The following DNER variants were observed in gnomAD, a reference collection of about 807,000 sequenced individuals.
The protein encoded by DNER is delta and Notch-like epidermal growth factor-related receptor.
In DNER, 33 loss-of-function variants were observed where a neutral mutation model predicts 78.2. The observed-to-expected ratio is 0.42, with a 90% CI of 0.32 to 0.56. The LOEUF is 0.56. DNER is among the 20% of genes least tolerant of loss of function. DNER has a pLI of 0.11. For missense variants in DNER, 918 were observed against 975.3 expected (o/e 0.94, Z 0.78); for synonymous variants, 417 against 384.8 (o/e 1.08, Z -0.98).
intron 8 of DNER, among the ~76,000 whole-genome samples, chr2:229,425,925 G>A (rs1574837966): frequency 6.6e-6 from 1 of 152,168 alleles, no homozygotes; most frequent in Non-Finnish European, 1.5e-5. Context: ...CAAGGCAAGA[G>A]TGAATTTACG....
At chr2:229,626,358 T>C (rs1014946828) in intron 1 of DNER, among the ~76,000 whole-genome samples, 1 of 152,236 alleles carries the variant, frequency 6.6e-6, no homozygotes, top group African/African-American at 2.4e-5. Context: ...CATCAGAAAC[T>C]AGGATGTATC....
intron 11 of DNER, among the ~76,000 whole-genome samples, chr2:229,374,312 A>G (rs1196528922): frequency 6.6e-6 from 1 of 152,186 alleles, no homozygotes; most frequent in Admixed American, 6.5e-5. Context: ...GGGCGACAGG[A>G]TCATTCATAT....
intron 1 of DNER, among the ~76,000 whole-genome samples, chr2:229,689,697 C>T (rs1426466909): frequency 6.6e-6 from 1 of 152,186 alleles, no homozygotes; most frequent in Non-Finnish European, 1.5e-5. Context: ...ACCAATGGCT[C>T]TCCCTGGCTG....
rs571669044 is a variant in DNER at position 229,615,436 on chromosome 2, G to A, written c.277-23548C>T. Reference sequence around the variant, plus strand: ...TAAAAAAAAAAAAAAAAGGCCGGGCGCGGTGGTTCACGCCTGTAATCCCAG... The same window carrying A: ...TAAAAAAAAAAAAAAAAGGCCGGGCACGGTGGTTCACGCCTGTAATCCCAG... On this transcript the variant is annotated intron_variant, in intron 1 of 12. Coordinates refer to ENST00000341772, the MANE Select transcript of DNER (RefSeq NM_139072.4). Among the ~76,000 whole-genome samples the A allele has an allele frequency of 1.7e-3, 262 of 151,474 alleles. No individual in the cohort carries two copies. In the Middle Eastern group the frequency reaches 0.027, roughly 16 times the overall value.
At chr2:229,527,980 C>T (rs545636485) in intron 5 of DNER, among the ~76,000 whole-genome samples, 18 of 152,354 alleles carry the variant, frequency 1.2e-4, no homozygotes, top group Admixed American at 8.5e-4. Context: ...TGGCCAGCTG[C>T]ACCAACACTT....
intron 5 of DNER, among the ~76,000 whole-genome samples, chr2:229,543,881 C>G (rs1001605340): frequency 6.6e-6 from 1 of 152,180 alleles, no homozygotes; most frequent in African/African-American, 2.4e-5. Context: ...CGTTACCTAA[C>G]TATGCATCTT....
Position 229,358,675 on chromosome 2 carries a change from T to A in DNER, c.2103-24A>T, listed in dbSNP as rs748216679. 5.6e-6 allele frequency: 9 copies of A among 1,596,448 alleles called. No individual in the cohort carries two copies. In the South Asian group the frequency reaches 1.0e-4, roughly 18 times the overall value. ...ACCTGAAATCAGAGAGAAAGGACTC[T>A]GGTTAGATAAATACTAGATCTCAAG... On this transcript the variant is annotated intron_variant, in intron 12 of 12. Coordinates refer to ENST00000341772, the MANE Select transcript of DNER (RefSeq NM_139072.4).
chr2:229,444,060 C>G (rs1389237157), intron 8 of DNER, among the ~76,000 whole-genome samples: 1 of 152,196 alleles, frequency 6.6e-6, no homozygotes, highest in Non-Finnish European at 1.5e-5. Flanking sequence ...ATTCCACGAA[C>G]AGAATGCACA....
intron 1 of DNER, among the ~76,000 whole-genome samples, chr2:229,683,421 A>C (rs1318381506): frequency 2.0e-5 from 3 of 152,186 alleles, no homozygotes; most frequent in Non-Finnish European, 4.4e-5. Flanking sequence ...GAAGTCCATA[A>C]ATTGTGAATG....
intron 6 of DNER, among the ~76,000 whole-genome samples, chr2:229,501,301 C>T (rs1002403033): frequency 1.3e-5 from 2 of 150,678 alleles, no homozygotes; most frequent in Non-Finnish European, 3.0e-5. Flanking sequence ...TTTAAGTGTT[C>T]TCACCACAAA....
At chr2:229,374,901 G>A (rs997722465) in intron 11 of DNER, among the ~76,000 whole-genome samples, 4 of 152,120 alleles carry the variant, frequency 2.6e-5, no homozygotes, top group Admixed American at 6.6e-5. Context: ...TACATGCAGC[G>A]TCAAGATGTA....
At chr2:229,373,006 T>C (rs566068849) in intron 11 of DNER, among the ~76,000 whole-genome samples, 89 of 152,234 alleles carry the variant, frequency 5.8e-4, no homozygotes, top group Non-Finnish European at 1.0e-3. Flanking sequence ...TTATACATGT[T>C]AAATTGGAGG....
intron 5 of DNER, among the ~76,000 whole-genome samples, chr2:229,522,194 T>C (rs1329882673): frequency 6.6e-6 from 1 of 152,224 alleles, no homozygotes; most frequent in Non-Finnish European, 1.5e-5. Context: ...AAGTTTACTT[T>C]ACTACCCAGG....
chr2:229,396,039 C>T (rs926473439), intron 10 of DNER, among the ~76,000 whole-genome samples: 5 of 152,116 alleles, frequency 3.3e-5, no homozygotes, highest in Non-Finnish European at 7.4e-5. Flanking sequence ...AATTTCCTAC[C>T]TTGTTTCACC....
intron 5 of DNER, among the ~76,000 whole-genome samples, chr2:229,540,149 C>T (rs185406242): frequency 6.6e-6 from 1 of 152,304 alleles, no homozygotes; most frequent in Non-Finnish European, 1.5e-5. Flanking sequence ...AGATTAGGGA[C>T]AGCTTCTAGA....
intron 1 of DNER, among the ~76,000 whole-genome samples, chr2:229,668,513 A>C (rs1354435792): frequency 1.3e-4 from 2 of 15,850 alleles, no homozygotes; most frequent in Non-Finnish European, 3.2e-4. Flanking sequence ...TATATAGGTA[A>C]GTATGTGTGT....
In DNER at chr2:229,663,771, G is replaced by T. The variant is rs182927911; in HGVS notation, c.276+50377C>A. Among the ~76,000 whole-genome samples the T allele has an allele frequency of 5.9e-5, 9 of 152,292 alleles. 1 individual carries two copies. On this transcript the variant is annotated intron_variant, in intron 1 of 12. Coordinates refer to ENST00000341772, the MANE Select transcript of DNER (RefSeq NM_139072.4). ...TAAAGAGGGTACTGTCACACCAGTG[G>T]ATACTAGTTTTTAATTTTTTCCTGA...
chr2:229,666,665 A>G (rs1399775274), intron 1 of DNER, among the ~76,000 whole-genome samples: 3 of 152,224 alleles, frequency 2.0e-5, no homozygotes, highest in African/African-American at 7.2e-5. Flanking sequence ...GATGGAGGAT[A>G]TCCTTAACAG....
At chr2:229,532,121 T>C (rs1001630695) in intron 5 of DNER, among the ~76,000 whole-genome samples, 10 of 152,190 alleles carry the variant, frequency 6.6e-5, no homozygotes, top group African/African-American at 2.2e-4. Flanking sequence ...TGCCATTGAA[T>C]AGTTCACCTT....
Sources: gnomAD v4.1 joint callset for allele counts (sites outside exome capture counted in the v4.1 genomes callset) on GRCh38, gnomAD v4.1.1 for gene constraint, MANE v1.5 for transcripts, NCBI Gene and HGNC (gene_info 2026-07-23, HGNC 2026-07-21) for gene names.